PSD3: variants seen among roughly 807,000 people sequenced by gnomAD.
The protein encoded by PSD3 is PH and SEC7 domain-containing protein 3.
PSD3 carries 49 observed loss-of-function variants against 105.5 expected under a neutral mutation model. The observed-to-expected ratio is 0.46, with a 90% CI of 0.37 to 0.59. The LOEUF is 0.59. Ranked by LOEUF, PSD3 falls within the 20% of genes least tolerant of loss-of-function variation. The pLI is 0.00. For synonymous variants in PSD3, 557 were observed against 457.8 expected (o/e 1.22, Z -2.77); for missense variants, 1,561 against 1,263.8 (o/e 1.24, Z -3.57).
intron 2 of PSD3, among the ~76,000 whole-genome samples, chr8:18,903,438 T>C (rs1819641839): frequency 6.6e-6 from 1 of 151,540 alleles, no homozygotes; most frequent in African/African-American, 2.4e-5. Context: ...GGGTGAAGAG[T>C]GTGGGGTCAG....
At chr8:19,032,305 A>G (rs1827797325) in intron 1 of PSD3, among the ~76,000 whole-genome samples, 1 of 152,166 alleles carries the variant, frequency 6.6e-6, no homozygotes, top group Non-Finnish European at 1.5e-5. Flanking sequence ...TTATCTGCCT[A>G]TCACTCGTGT....
At chr8:18,723,064 T>A (rs1175853745) in intron 9 of PSD3, among the ~76,000 whole-genome samples, 1 of 152,174 alleles carries the variant, frequency 6.6e-6, no homozygotes, top group African/African-American at 2.4e-5. Flanking sequence ...AAACAGGTGC[T>A]TGAGAAAAAC....
At chr8:18,902,101 A>G (rs1043325500) in intron 2 of PSD3, among the ~76,000 whole-genome samples, 1 of 152,208 alleles carries the variant, frequency 6.6e-6, no homozygotes, top group Admixed American at 6.5e-5. Flanking sequence ...TCTCTCCCCA[A>G]ACTTGGGAAG....
At chr8:18,860,144 T>C (rs1331183292) in intron 4 of PSD3, among the ~76,000 whole-genome samples, 1 of 152,044 alleles carries the variant, frequency 6.6e-6, no homozygotes, top group African/African-American at 2.4e-5. Flanking sequence ...TCTCAGGCAA[T>C]AGGGAGGCCC....
chr8:18,644,448 G>C (rs949365880), intron 10 of PSD3, among the ~76,000 whole-genome samples: 1 of 152,146 alleles, frequency 6.6e-6, no homozygotes, highest in African/African-American at 2.4e-5. Flanking sequence ...ATTCAGCCAA[G>C]TTCTCTGTGA....
intron 7 of PSD3, among the ~76,000 whole-genome samples, chr8:18,799,854 AT>A (rs1392530317): frequency 6.6e-6 from 1 of 152,218 alleles, no homozygotes; most frequent in Non-Finnish European, 1.5e-5. Flanking sequence ...CACTCTGCTA[AT>A]TCTCTACACA....
intron 1 of PSD3, among the ~76,000 whole-genome samples, chr8:18,976,878 A>G (rs1824969502): frequency 6.6e-6 from 1 of 152,212 alleles, no homozygotes; most frequent in Non-Finnish European, 1.5e-5. Context: ...GGACAGTTAA[A>G]CCAAAGTATA....
intron 1 of PSD3, among the ~76,000 whole-genome samples, chr8:19,070,731 C>T (rs148699871): frequency 6.6e-6 from 1 of 152,040 alleles, no homozygotes; most frequent in Non-Finnish European, 1.5e-5. Context: ...CTTTCAGTAC[C>T]TAGTACATTG....
chr8:18,537,920 A>G (rs868415048), intron 15 of PSD3, among the ~76,000 whole-genome samples: 11 of 152,116 alleles, frequency 7.2e-5, no homozygotes, highest in South Asian at 4.2e-4. Flanking sequence ...CAGGTGATCC[A>G]CCCGCCTCGG....
At chr8:18,990,216 C>T (rs1825715346) in intron 1 of PSD3, among the ~76,000 whole-genome samples, 1 of 152,186 alleles carries the variant, frequency 6.6e-6, no homozygotes, top group Non-Finnish European at 1.5e-5. Flanking sequence ...TTTTAAAAGG[C>T]TAAACTGCTT....
chr8:18,804,414 T>G, intron 6 of PSD3, 108 bp downstream of exon 6: 1 of 863,790 alleles, frequency 1.2e-6, no homozygotes, highest in Non-Finnish European at 1.6e-6. Context: ...CACCTATACA[T>G]GGAGGTTTAA....
intron 9 of PSD3, among the ~76,000 whole-genome samples, chr8:18,676,723 C>T (rs1435232155): frequency 6.6e-6 from 1 of 152,202 alleles, no homozygotes; most frequent in East Asian, 1.9e-4. Flanking sequence ...CCAGCCAAGC[C>T]TGTATACTTT....
intron 11 of PSD3, among the ~76,000 whole-genome samples, chr8:18,627,762 T>C (rs1806599833): frequency 6.7e-6 from 1 of 149,826 alleles, no homozygotes; most frequent in Non-Finnish European, 1.5e-5. Context: ...AAATGGAAAA[T>C]TCACAATGTC....
chr8:18,956,307 G>T (rs188032664), intron 1 of PSD3, among the ~76,000 whole-genome samples: 3 of 152,102 alleles, frequency 2.0e-5, no homozygotes, highest in Non-Finnish European at 4.4e-5. Context: ...CACAACACTG[G>T]TATCCCGCTA....
chr8:18,879,045 C>CAA (rs1181132323), intron 2 of PSD3, among the ~76,000 whole-genome samples: 1 of 135,746 alleles, frequency 7.4e-6, no homozygotes, highest in Admixed American at 7.9e-5. Context: ...CAAACACACA[C>CAA]ACACAAACAC....
chr8:19,079,129 G>T (rs1243666901), intron 1 of PSD3, among the ~76,000 whole-genome samples: 10 of 152,046 alleles, frequency 6.6e-5, no homozygotes, highest in African/African-American at 2.4e-4. Flanking sequence ...GTTGAGGATG[G>T]GGTAAGGAGA....
chr8:18,622,272 T>C (rs781050974), intron 11 of PSD3, among the ~76,000 whole-genome samples: 10 of 152,228 alleles, frequency 6.6e-5, no homozygotes, highest in African/African-American at 9.6e-5. Flanking sequence ...TCCACACAAT[T>C]AGCCTCCTTT....
chr8:18,787,493 T>C (rs927300629), intron 8 of PSD3, among the ~76,000 whole-genome samples: 1 of 152,040 alleles, frequency 6.6e-6, no homozygotes, highest in Non-Finnish European at 1.5e-5. Flanking sequence ...GATGACAAAG[T>C]GGAAAGTTTA....
Position 18,727,427 on chromosome 8 carries a change from T to C in PSD3, c.2172+38022A>G, listed in dbSNP as rs1040830433. Among the ~76,000 whole-genome samples the C allele has an allele frequency of 8.6e-5, 13 of 150,662 alleles. No individual in the cohort carries two copies. In the East Asian group the frequency reaches 9.7e-4, roughly 11 times the overall value. ...GGGAAGCTGAGGCAGGGAGAACTCC[T>C]TGAGCCTGGGAGGTGGAGGCTGCAG... On this transcript the variant is annotated intron_variant, in intron 9 of 15. Transcript: ENST00000327040.
Sources: allele counts gnomAD v4.1 joint callset (sites outside exome capture counted in the v4.1 genomes callset), GRCh38; gene constraint gnomAD v4.1.1; transcripts MANE v1.5; gene names NCBI Gene and HGNC (gene_info 2026-07-23, HGNC 2026-07-21).